The following KIAA1328 variants were observed in gnomAD, a reference collection of about 807,000 sequenced individuals.
The protein encoded by KIAA1328 is KIAA1328.
Under a neutral mutation model 68.1 loss-of-function variants are expected in KIAA1328, and 52 were observed. The ratio of observed to expected loss-of-function variants is 0.76; its 90% CI spans 0.61 to 0.96. The LOEUF is 0.96. Ranked by LOEUF, KIAA1328 falls within the 40% of genes least tolerant of loss-of-function variation. The probability of loss-of-function intolerance (pLI) is 0.00; values close to 1 mark genes in which losing one functional copy is unlikely to be tolerated. For missense variants in KIAA1328, 641 were observed against 677.6 expected, an observed-to-expected ratio of 0.95 and a Z score of 0.60; for synonymous variants, 232 against 239.4, an observed-to-expected ratio of 0.97 and a Z score of 0.28.
intron 6 of KIAA1328, among the ~76,000 whole-genome samples, chr18:37,048,135 C>A (rs2055550013): frequency 6.6e-6 from 1 of 152,254 alleles, no homozygotes; most frequent in Non-Finnish European, 1.5e-5. Flanking sequence ...GGTACTAGAG[C>A]AGCACTCAAA....
intron 4 of KIAA1328, among the ~76,000 whole-genome samples, chr18:36,876,940 A>G (rs189356446): frequency 2.2e-4 from 33 of 152,288 alleles, no homozygotes; most frequent in Admixed American, 8.5e-4. Context: ...TTTACCCAGT[A>G]GTCATTCAGA....
At chr18:36,974,840 C>G (rs1238560734) in intron 6 of KIAA1328, among the ~76,000 whole-genome samples, 4 of 152,160 alleles carry the variant, frequency 2.6e-5, no homozygotes, top group Admixed American at 2.6e-4. Flanking sequence ...TGGACTCTGG[C>G]TCAAAAACTG....
chr18:37,204,201 T>G (rs2060172115), intron 9 of KIAA1328, among the ~76,000 whole-genome samples: 1 of 152,178 alleles, frequency 6.6e-6, no homozygotes, highest in South Asian at 2.1e-4. Context: ...TTTATGACCT[T>G]AAAACATCTA....
intron 6 of KIAA1328, among the ~76,000 whole-genome samples, chr18:37,014,822 C>T (rs1020572537): frequency 7.9e-5 from 12 of 152,296 alleles, no homozygotes; most frequent in Non-Finnish European, 1.3e-4. Flanking sequence ...ACACCCAAAC[C>T]GTATCAAATT....
At chr18:36,862,621 G>C (rs747354490) in intron 4 of KIAA1328, among the ~76,000 whole-genome samples, 13 of 152,174 alleles carry the variant, frequency 8.5e-5, no homozygotes, top group African/African-American at 2.9e-4. Context: ...AAGGACATTT[G>C]TGTTGTCTCC....
chr18:37,141,377 AC>A (rs2154208183), intron 7 of KIAA1328, among the ~76,000 whole-genome samples: 1 of 152,242 alleles, frequency 6.6e-6, no homozygotes, highest in South Asian at 2.1e-4. Context: ...CCTTTTACTC[AC>A]CATAATGTTT....
intron 7 of KIAA1328, among the ~76,000 whole-genome samples, chr18:37,113,746 G>T (rs190544120): frequency 6.6e-6 from 1 of 152,258 alleles, no homozygotes; most frequent in African/African-American, 2.4e-5. Context: ...TCATCATTGT[G>T]CTGTATTCAG....
intron 7 of KIAA1328, among the ~76,000 whole-genome samples, chr18:37,123,435 A>G (rs1035291376): frequency 2.0e-5 from 3 of 152,330 alleles, no homozygotes; most frequent in East Asian, 1.9e-4. Flanking sequence ...AGAAAAGTCA[A>G]TAGAGCTGAC....
downstream of KIAA1328, among the ~76,000 whole-genome samples, chr18:37,227,918 A>T (rs2060647908): frequency 6.6e-6 from 1 of 152,162 alleles, no homozygotes. Context: ...TCTGGAAAGG[A>T]TTCACCATCC....
At chr18:36,994,521 T>C (rs1006317412) in intron 6 of KIAA1328, among the ~76,000 whole-genome samples, 12 of 152,132 alleles carry the variant, frequency 7.9e-5, no homozygotes, top group African/African-American at 2.7e-4. Context: ...ACTCATCTCA[T>C]CCAACTACTT....
Position 37,044,793 on chromosome 18 carries a change from C to T in KIAA1328, c.577-22097C>T, listed in dbSNP as rs541139776. On this transcript the variant is annotated intron_variant, in intron 6 of 9. Coordinates refer to ENST00000280020, the MANE Select transcript of KIAA1328 (RefSeq NM_020776.3). ...CAGCCTGGGCGACAGAGTAAGACTC[C>T]GGCTCAAAAAAAAAAAAAAAAATTC... Among the ~76,000 whole-genome samples, 356 of 132,914 alleles carry T rather than the reference C, an allele frequency of 2.7e-3. 3 individuals carry two copies. The highest frequency in any genetic ancestry group is 9.7e-3 in the African/African-American group (337 of 34,822). The allele number at this position is 132,914 out of a possible 152,430, so 87.2% of individuals were successfully genotyped here.
intron 4 of KIAA1328, among the ~76,000 whole-genome samples, chr18:36,871,233 C>A (rs1282419919): frequency 6.6e-6 from 1 of 152,216 alleles, no homozygotes; most frequent in Non-Finnish European, 1.5e-5. Flanking sequence ...AGTAACTCAA[C>A]TCCTACACTA....
At chr18:36,935,639 T>A (rs1040533725) in intron 5 of KIAA1328, among the ~76,000 whole-genome samples, 9 of 152,170 alleles carry the variant, frequency 5.9e-5, no homozygotes, top group Non-Finnish European at 8.8e-5. Flanking sequence ...ATAGTATTCT[T>A]CATCATACAG....
chr18:36,866,142 T>C (rs1197615970), intron 4 of KIAA1328, among the ~76,000 whole-genome samples: 1 of 152,212 alleles, frequency 6.6e-6, no homozygotes, highest in African/African-American at 2.4e-5. Context: ...CTCCTCCCCA[T>C]GCTTGGGCTC....
intron 6 of KIAA1328, among the ~76,000 whole-genome samples, chr18:37,036,558 G>A (rs1432114888): frequency 6.6e-6 from 1 of 152,176 alleles, no homozygotes; most frequent in Non-Finnish European, 1.5e-5. Flanking sequence ...AATTTGAGTT[G>A]ATTAGTTCTT....
intron 5 of KIAA1328, among the ~76,000 whole-genome samples, chr18:36,891,133 A>G (rs977076182): frequency 6.6e-6 from 1 of 152,172 alleles, no homozygotes; most frequent in Non-Finnish European, 1.5e-5. Context: ...TAGTATTGTG[A>G]CAATTGGAGA....
intron 5 of KIAA1328, chr18:36,895,830 G>A (rs368540498): frequency 3.7e-4 from 169 of 455,062 alleles, no homozygotes; most frequent in African/African-American, 3.3e-3. Flanking sequence ...TGTTGTCCTA[G>A]AAGAAGAGCA....
chr18:37,167,630 C>T (rs1309455146), intron 8 of KIAA1328, among the ~76,000 whole-genome samples: 1 of 152,052 alleles, frequency 6.6e-6, no homozygotes, highest in Non-Finnish European at 1.5e-5. Context: ...CTCTCGATGT[C>T]CAGCTGCTTG....
At chr18:37,177,223 C>T (rs1182673147) in intron 9 of KIAA1328, among the ~76,000 whole-genome samples, 1 of 117,786 alleles carries the variant, frequency 8.5e-6, no homozygotes, top group Non-Finnish European at 1.9e-5. Flanking sequence ...AGATCTGATA[C>T]ATTTTATATT....
Sources: gnomAD v4.1 joint callset for allele counts (sites outside exome capture counted in the v4.1 genomes callset) on GRCh38, gnomAD v4.1.1 for gene constraint, MANE v1.5 for transcripts, NCBI Gene and HGNC (gene_info 2026-07-23, HGNC 2026-07-21) for gene names.